PRIM2: variants seen among roughly 807,000 people sequenced by gnomAD.
PRIM2 encodes the protein DNA primase subunit 2, also known as DNA primase large subunit.
In PRIM2, 39 loss-of-function variants were observed where a neutral mutation model predicts 67.3. The ratio of observed to expected loss-of-function variants is 0.58; its 90% CI spans 0.45 to 0.76. The LOEUF (loss-of-function observed/expected upper bound fraction) is 0.76, where lower values mean the gene tolerates loss of function less well. Among genes scored for constraint, PRIM2 ranks in the 30% least tolerant of loss-of-function variants. The probability of loss-of-function intolerance (pLI) is 0.00; values close to 1 mark genes in which losing one functional copy is unlikely to be tolerated. For missense variants in PRIM2, 398 were observed against 598.7 expected (o/e 0.66, Z 3.50); for synonymous variants, 143 against 198.7 (o/e 0.72, Z 2.36).
chr6:57,276,721 C>T, the PRIM2 span, among the ~76,000 whole-genome samples: 1 of 151,526 alleles, frequency 6.6e-6, no homozygotes, highest in Admixed American at 6.6e-5. Flanking sequence ...TGGTGAAACC[C>T]ATCTCTAAAA....
At chr6:57,521,333 T>G (rs1314938114) in intron 8 of PRIM2, among the ~76,000 whole-genome samples, 11 of 149,568 alleles carry the variant, frequency 7.4e-5, no homozygotes, top group Non-Finnish European at 1.2e-4. Flanking sequence ...CTGTGCTTTC[T>G]AAATGTCTGA....
intron 3 of PRIM2, 110 bp from the exon 4 acceptor site, chr6:57,324,091 A>AG (rs1767755945): frequency 1.6e-6 from 1 of 628,180 alleles, no homozygotes; most frequent in Non-Finnish European, 2.8e-6. Context: ...CTCTAAAAAA[A>AG]GAAATGTTTT....
At chr6:57,541,178 A>G (rs1166952993) in intron 10 of PRIM2, among the ~76,000 whole-genome samples, 41 of 152,244 alleles carry the variant, frequency 2.7e-4, no homozygotes, top group African/African-American at 6.0e-4. Context: ...TTCATCTTGT[A>G]AATAGATAAT....
chr6:57,371,978 G>A (rs889851799), intron 5 of PRIM2, among the ~76,000 whole-genome samples: 1 of 152,226 alleles, frequency 6.6e-6, no homozygotes, highest in African/African-American at 2.4e-5. Flanking sequence ...TGTAAACATA[G>A]CAAATACGAA....
At chr6:57,407,906 C>CCCT (rs1770950283) in intron 7 of PRIM2, among the ~76,000 whole-genome samples, 1 of 141,784 alleles carries the variant, frequency 7.1e-6, no homozygotes, top group South Asian at 2.3e-4. Flanking sequence ...CTGTTGGCAA[C>CCCT]GTTATGAGAT....
chr6:57,435,294 A>T (rs1771974835), intron 7 of PRIM2: 1 of 152,236 alleles, frequency 6.6e-6, no homozygotes. Flanking sequence ...AGCACCACAG[A>T]ATTTGGTGAG....
intron 13 of PRIM2, among the ~76,000 whole-genome samples, chr6:57,637,397 G>A (rs1239245175): frequency 6.6e-6 from 1 of 152,118 alleles, no homozygotes; most frequent in African/African-American, 2.4e-5. Flanking sequence ...AAAACCGGAT[G>A]GAGAATGAGT....
At chr6:57,458,647 TGCACTCCA>T (rs1241892795) in intron 7 of PRIM2, among the ~76,000 whole-genome samples, 16 of 152,144 alleles carry the variant, frequency 1.1e-4, no homozygotes, top group African/African-American at 3.9e-4. Context: ...GTTGCGCCAT[TGCACTCCA>T]GCCTGGGCAA....
At chr6:57,257,809 G>A in the PRIM2 span, among the ~76,000 whole-genome samples, 4 of 152,306 alleles carry the variant, frequency 2.6e-5, no homozygotes, top group African/African-American at 9.6e-5. Flanking sequence ...ACCAGTATAT[G>A]TTAAATGTTG....
the PRIM2 span, among the ~76,000 whole-genome samples, chr6:57,294,638 A>G: frequency 6.6e-6 from 1 of 151,252 alleles, no homozygotes. Flanking sequence ...TACATATATA[A>G]CATATGTGTA....
intron 10 of PRIM2, among the ~76,000 whole-genome samples, chr6:57,555,752 T>G (rs1439835748): frequency 1.3e-5 from 2 of 152,136 alleles, no homozygotes; most frequent in African/African-American, 4.8e-5. Context: ...CCACAAACAC[T>G]AGATAAGCTT....
intron 7 of PRIM2, among the ~76,000 whole-genome samples, chr6:57,495,795 G>A (rs1458476654): frequency 6.6e-6 from 1 of 152,138 alleles, no homozygotes; most frequent in Admixed American, 6.6e-5. Context: ...CTAGGCTGGA[G>A]TGTAGTGGTA....
chr6:57,375,152 A>G (rs1769717289), intron 5 of PRIM2, among the ~76,000 whole-genome samples: 1 of 152,232 alleles, frequency 6.6e-6, no homozygotes, highest in Non-Finnish European at 1.5e-5. Flanking sequence ...GCGGGTTTTC[A>G]GGGGGAATGT....
the PRIM2 span, among the ~76,000 whole-genome samples, chr6:57,254,775 G>A: frequency 1.3e-5 from 2 of 152,092 alleles, no homozygotes; most frequent in African/African-American, 4.8e-5. Flanking sequence ...ACAAGATAAG[G>A]GTAATCACCC....
intron 7 of PRIM2, among the ~76,000 whole-genome samples, chr6:57,504,291 C>T (rs1438417863): frequency 6.6e-6 from 1 of 152,040 alleles, no homozygotes; most frequent in African/African-American, 2.4e-5. Context: ...AGAGTAACCA[C>T]CTGATTTATT....
chr6:57,316,972 A>C (rs1418856398), upstream of PRIM2, among the ~76,000 whole-genome samples: 1 of 152,212 alleles, frequency 6.6e-6, no homozygotes, highest in Non-Finnish European at 1.5e-5. Context: ...CCTCTGTGCG[A>C]GGCATTGCCG....
intron 7 of PRIM2, among the ~76,000 whole-genome samples, chr6:57,385,376 C>T (rs1770109248): frequency 6.6e-6 from 1 of 152,082 alleles, no homozygotes; most frequent in Non-Finnish European, 1.5e-5. Context: ...CACAGACTTA[C>T]AGAAAATTAA....
At chr6:57,280,699 G>A in the PRIM2 span, among the ~76,000 whole-genome samples, 6 of 152,004 alleles carry the variant, frequency 3.9e-5, no homozygotes, top group East Asian at 1.9e-4. Flanking sequence ...TAGTAGAAAC[G>A]GGGTTTCACC....
intron 7 of PRIM2, among the ~76,000 whole-genome samples, chr6:57,491,011 A>C (rs1773876138): frequency 6.6e-6 from 1 of 152,240 alleles, no homozygotes; most frequent in African/African-American, 2.4e-5. Context: ...AATTTGAAGG[A>C]GAGAAAAATA....
Sources: gnomAD v4.1 joint callset for allele counts (sites outside exome capture counted in the v4.1 genomes callset) on GRCh38, gnomAD v4.1.1 for gene constraint, MANE v1.5 for transcripts, NCBI Gene and HGNC (gene_info 2026-07-23, HGNC 2026-07-21) for gene names.